Variants in PDE4D observed in about 807,000 individuals in gnomAD.
The protein encoded by PDE4D is phosphodiesterase 4D.
PDE4D carries 24 observed loss-of-function variants against 87.4 expected under a neutral mutation model. That is an observed-to-expected ratio of 0.27 (90% CI 0.20 to 0.39). PDE4D has a LOEUF of 0.39. Among genes scored for constraint, PDE4D ranks in the 10% least tolerant of loss-of-function variants. PDE4D has a pLI of 1.00. For synonymous variants in PDE4D, 384 were observed against 383.2 expected (o/e 1.00, Z -0.02); for missense variants, 714 against 1,041.0 (o/e 0.69, Z 4.32).
intron 1 of PDE4D, among the ~76,000 whole-genome samples, chr5:59,422,870 T>C (rs1794679756): frequency 6.6e-6 from 1 of 152,238 alleles, no homozygotes; most frequent in Non-Finnish European, 1.5e-5. Flanking sequence ...GGGAATAGAT[T>C]TGAAAACTGA....
At chr5:59,218,026 A>G (rs1422515127) in intron 1 of PDE4D, 1 of 483,246 alleles carries the variant, frequency 2.1e-6, no homozygotes, top group Admixed American at 2.2e-5. Flanking sequence ...CATGAAGAGT[A>G]GTATTTAAGA....
At chr5:60,048,154 TA>T (rs1415115176) in intron 2 of PDE4D, among the ~76,000 whole-genome samples, 1 of 152,026 alleles carries the variant, frequency 6.6e-6, no homozygotes, top group Non-Finnish European at 1.5e-5. Context: ...TTTGTTGGTT[TA>T]AAGTCTGTTT....
intron 1 of PDE4D, among the ~76,000 whole-genome samples, chr5:59,629,696 T>C (rs1206616840): frequency 6.6e-6 from 1 of 152,192 alleles, no homozygotes; most frequent in Non-Finnish European, 1.5e-5. Context: ...AGCCGACTAA[T>C]ACAAGTGGCA....
At chr5:59,716,362 C>T (rs1168973682) in intron 1 of PDE4D, among the ~76,000 whole-genome samples, 6 of 152,218 alleles carry the variant, frequency 3.9e-5, no homozygotes, top group Non-Finnish European at 1.5e-5. Flanking sequence ...TACAGTTCCT[C>T]ACGTGTTTTT....
intron 1 of PDE4D, among the ~76,000 whole-genome samples, chr5:59,889,054 C>G (rs1750565787): frequency 6.6e-6 from 1 of 151,372 alleles, no homozygotes; most frequent in Admixed American, 6.6e-5. Context: ...TGGTGAAGCT[C>G]CATCTCTACT....
intron 1 of PDE4D, among the ~76,000 whole-genome samples, chr5:60,333,972 T>C (rs1191717709): frequency 6.6e-6 from 1 of 152,208 alleles, no homozygotes; most frequent in Non-Finnish European, 1.5e-5. Flanking sequence ...GCACTGTGGC[T>C]CTCAGGGTCA....
At chr5:59,011,486 C>T (rs1752797480) in intron 6 of PDE4D, among the ~76,000 whole-genome samples, 1 of 152,108 alleles carries the variant, frequency 6.6e-6, no homozygotes, top group South Asian at 2.1e-4. Context: ...GGCATGAGAA[C>T]TACATGATGC....
rs1054247427 is a variant in PDE4D, at chr5:60,074,755, T to G, written c.43-86038A>C. On this transcript the variant is annotated intron_variant, in intron 2 of 16. Transcript: ENST00000502484. Reference sequence around the variant, plus strand: ...TTGAATTAAAACCTTTACCATTACATAATATCCTTCTTCATCTTTTTTGAG... The same window carrying G: ...TTGAATTAAAACCTTTACCATTACAGAATATCCTTCTTCATCTTTTTTGAG... Among the ~76,000 whole-genome samples, 8 of 152,348 alleles carry G rather than the reference T, an allele frequency of 5.3e-5. No homozygotes were observed. In the East Asian group the frequency reaches 1.5e-3, roughly 29 times the overall value.
At chr5:60,328,884 T>C (rs1757045054) in intron 1 of PDE4D, among the ~76,000 whole-genome samples, 2 of 152,214 alleles carry the variant, frequency 1.3e-5, no homozygotes, top group South Asian at 4.1e-4. Context: ...CATGTGAAAG[T>C]TGCTGTCTTT....
intron 1 of PDE4D, among the ~76,000 whole-genome samples, chr5:60,329,655 G>T (rs1757144200): frequency 6.6e-6 from 1 of 152,060 alleles, no homozygotes; most frequent in South Asian, 2.1e-4. Flanking sequence ...TAAGCAAAGG[G>T]TAAAGAAATT....
intron 1 of PDE4D, among the ~76,000 whole-genome samples, chr5:60,357,558 C>A (rs551792087): frequency 2.6e-5 from 4 of 152,238 alleles, no homozygotes; most frequent in African/African-American, 9.6e-5. Flanking sequence ...TTATGCCAGA[C>A]CAACTGCATT....
At chr5:59,142,928 T>C (rs17779217) in intron 5 of PDE4D, among the ~76,000 whole-genome samples, 1,847 of 152,098 alleles carry the variant, frequency 0.012, 15 homozygotes, top group Non-Finnish European at 0.018. Context: ...AAAAAAGAAA[T>C]GTAAGTAATG....
At chr5:59,242,806 A>G (rs1757944277) in intron 1 of PDE4D, among the ~76,000 whole-genome samples, 1 of 152,160 alleles carries the variant, frequency 6.6e-6, no homozygotes, top group South Asian at 2.1e-4. Context: ...ACTGAGGCAG[A>G]GAGGAGTTAA....
chr5:60,031,760 TAAG>T (rs1048168118), intron 2 of PDE4D, among the ~76,000 whole-genome samples: 3 of 151,420 alleles, frequency 2.0e-5, no homozygotes, highest in African/African-American at 7.3e-5. Context: ...TGTCTTATAA[TAAG>T]AGAAAGAGAG....
At chr5:60,278,632 T>C (rs1420907240) in intron 1 of PDE4D, among the ~76,000 whole-genome samples, 1 of 152,146 alleles carries the variant, frequency 6.6e-6, no homozygotes, top group African/African-American at 2.4e-5. Context: ...AGGTAATTTC[T>C]GTCTTCCATT....
intron 1 of PDE4D, among the ~76,000 whole-genome samples, chr5:60,223,875 GAT>G (rs1267553021): frequency 1.3e-5 from 2 of 152,088 alleles, no homozygotes; most frequent in African/African-American, 4.8e-5. Context: ...AGTTCAAGAT[GAT>G]AGTCTTCAGA....
At chr5:59,873,109 G>T (rs372495809) in intron 1 of PDE4D, among the ~76,000 whole-genome samples, 1 of 152,234 alleles carries the variant, frequency 6.6e-6, no homozygotes, top group African/African-American at 2.4e-5. Flanking sequence ...ACAAAACAGT[G>T]TTTGGAGAAA....
rs756784396 is a variant in PDE4D, at chr5:58,975,887, A to T, written c.1831-48T>A. 86 of 1,051,842 alleles carry T rather than the reference A, an allele frequency of 8.2e-5. No individual in the cohort carries two copies. The highest frequency in any genetic ancestry group is 7.1e-4 in the Admixed American group (15 of 21,094). The allele number at this position is 1,051,842 out of a possible 1,614,324, so 65.2% of individuals were successfully genotyped here. ...CTATTCACTCCTGTTCCTTTTTTTT[A>T]AAAAAAAAAACAAAAAAAACTAGAA... On this transcript the variant is annotated intron_variant, in intron 13 of 14. Coordinates refer to ENST00000340635, the MANE Select transcript of PDE4D (RefSeq NM_001104631.2). The surrounding 1 kb of genome is among the most constrained non-coding windows in gnomAD (Gnocchi z 4.2).
chr5:60,203,851 T>C (rs1326997541), intron 1 of PDE4D, among the ~76,000 whole-genome samples: 3 of 152,210 alleles, frequency 2.0e-5, no homozygotes, highest in East Asian at 1.9e-4. Flanking sequence ...AGCATAATTA[T>C]AGAAATTCAA....
Sources: allele counts gnomAD v4.1 joint callset (sites outside exome capture counted in the v4.1 genomes callset), GRCh38; gene constraint gnomAD v4.1.1; non-coding constraint Gnocchi (gnomAD v3.1); transcripts MANE v1.5; gene names NCBI Gene and HGNC (gene_info 2026-07-23, HGNC 2026-07-21).